TMEM163: variants seen among roughly 807,000 people sequenced by gnomAD.
TMEM163 encodes the protein transmembrane protein 163.
Under a neutral mutation model 29.3 loss-of-function variants are expected in TMEM163, and 17 were observed. The observed-to-expected ratio is 0.58, with a 90% confidence interval of 0.40 to 0.87. TMEM163 has a LOEUF of 0.87. Among genes scored for constraint, TMEM163 ranks in the 40% least tolerant of loss-of-function variants. The pLI is 0.00. For synonymous variants in TMEM163, 157 were observed against 160.6 expected, an observed-to-expected ratio of 0.98 and a Z score of 0.17; for missense variants, 303 against 381.5, an observed-to-expected ratio of 0.79 and a Z score of 1.71.
intron 2 of TMEM163, among the ~76,000 whole-genome samples, chr2:134,674,404 C>T (rs1574329644): frequency 7.3e-6 from 1 of 137,618 alleles, no homozygotes; most frequent in South Asian, 2.3e-4. Flanking sequence ...AGTGCAGTAG[C>T]ACAATCTCAG....
intron 5 of TMEM163, chr2:134,467,906 TTAAAG>T (rs1686705310): frequency 1.3e-5 from 2 of 152,148 alleles, no homozygotes; most frequent in South Asian, 4.1e-4. Context: ...AAAAGCTTAT[TTAAAG>T]TAATCACCTC....
At position 134,700,941 on chromosome 2, in the gene TMEM163, A is replaced by C. The variant is rs4954166; in HGVS notation, c.322+12259T>G. ...AAATAAATAAATAAATAAATAAATA[A>C]ATAAATAAAGTAAAAAATAAAAAGA... On this transcript the variant is annotated intron_variant, in intron 2 of 7. Transcript: ENST00000281924. Among the ~76,000 whole-genome samples the C allele has an allele frequency of 4.8e-3, 700 of 146,402 alleles. 5 individuals carry two copies. The highest frequency in any genetic ancestry group is 0.016 in the African/African-American group (624 of 39,434).
chr2:134,582,081 A>G (rs564294954), intron 2 of TMEM163, among the ~76,000 whole-genome samples: 1 of 152,266 alleles, frequency 6.6e-6, no homozygotes, highest in East Asian at 1.9e-4. Context: ...AGAGTTTAAA[A>G]CTTTCAGTTT....
intron 2 of TMEM163, among the ~76,000 whole-genome samples, chr2:134,626,576 A>G (rs1306133623): frequency 1.3e-5 from 2 of 152,160 alleles, no homozygotes; most frequent in Non-Finnish European, 2.9e-5. Context: ...TAATCTCTCC[A>G]TCTCAATATC....
chr2:134,477,753 C>A (rs927629530), intron 5 of TMEM163, among the ~76,000 whole-genome samples: 47 of 152,164 alleles, frequency 3.1e-4, no homozygotes, highest in African/African-American at 1.1e-3. Context: ...GATGAATTAT[C>A]AACCCAAGGT....
chr2:134,620,483 C>G (rs1682706789), intron 2 of TMEM163, among the ~76,000 whole-genome samples: 1 of 152,084 alleles, frequency 6.6e-6, no homozygotes, highest in Non-Finnish European at 1.5e-5. Flanking sequence ...TCTTGAACTC[C>G]CAACCTCAGG....
chr2:134,597,680 G>A (rs945450450), intron 2 of TMEM163, among the ~76,000 whole-genome samples: 1 of 152,216 alleles, frequency 6.6e-6, no homozygotes, highest in Non-Finnish European at 1.5e-5. Flanking sequence ...AATAGTTTCA[G>A]AAGGAATGGT....
At chr2:134,665,802 G>C (rs1190794910) in intron 2 of TMEM163, among the ~76,000 whole-genome samples, 1 of 152,114 alleles carries the variant, frequency 6.6e-6, no homozygotes, top group African/African-American at 2.4e-5. Flanking sequence ...CTGAAATTCA[G>C]GTATAACACC....
intron 5 of TMEM163, among the ~76,000 whole-genome samples, chr2:134,495,351 G>C (rs1226667957): frequency 6.6e-6 from 1 of 152,252 alleles, no homozygotes; most frequent in African/African-American, 2.4e-5. Context: ...GGAAGGATGA[G>C]TGAGAGGACA....
Position 134,460,872 on chromosome 2 carries a change from T to C in TMEM163, c.668-2699A>G, listed in dbSNP as rs1242078103. ...TTTGCTGCTTCTTCTAGGAGGAGACTCTGCCTTGCCTGGCTCGGCTCACCT... is the reference window on the plus strand; with the variant it reads ...TTTGCTGCTTCTTCTAGGAGGAGACCCTGCCTTGCCTGGCTCGGCTCACCT... On this transcript the variant is annotated intron_variant, in intron 6 of 7. Transcript: ENST00000281924. This position sits in a 1 kb window ranked among gnomAD's most constrained non-coding sequence, Gnocchi z 4.3. Among the ~76,000 whole-genome samples the C allele has an allele frequency of 6.6e-6, 1 of 152,236 alleles. No homozygotes were observed. Among genetic ancestry groups the C allele is most frequent in the African/African-American group, 2.4e-5 (1 of 41,470 alleles).
intron 2 of TMEM163, among the ~76,000 whole-genome samples, chr2:134,650,532 GT>G (rs1558978229): frequency 5.6e-5 from 2 of 36,000 alleles, no homozygotes; most frequent in African/African-American, 1.3e-4. Flanking sequence ...TTGTTTGTTT[GT>G]TTTGTTTTTT....
intron 2 of TMEM163, among the ~76,000 whole-genome samples, chr2:134,697,729 T>C (rs1684613194): frequency 6.6e-6 from 1 of 152,310 alleles, no homozygotes; most frequent in South Asian, 2.1e-4. Flanking sequence ...ATAATAAACA[T>C]TCTGATTATA....
intron 5 of TMEM163, among the ~76,000 whole-genome samples, chr2:134,497,519 T>G (rs139384367): frequency 5.6e-4 from 85 of 152,332 alleles, no homozygotes; most frequent in Admixed American, 2.2e-3. Context: ...GAGCTGGTCA[T>G]TGATCAGGAC....
At chr2:134,568,454 G>A (rs61059064) in intron 2 of TMEM163, among the ~76,000 whole-genome samples, 3,933 of 152,046 alleles carry the variant, frequency 0.026, 194 homozygotes, top group African/African-American at 0.091. Flanking sequence ...TTGAACCCGG[G>A]AGGTGGAGGT....
rs766406453 is a variant in TMEM163 at position 134,578,554 on chromosome 2, A to G, written c.323-26463T>C. On this transcript the variant is annotated intron_variant, in intron 2 of 7. Transcript: ENST00000281924. The stretch of plus-strand genomic sequence containing the variant: ...ATGCAGCCATTTGGAAAGATTGGAT[A>G]ACGAAGAGCAAAAGGCATTGGACAA... Among the ~76,000 whole-genome samples the G allele has an allele frequency of 7.6e-4, 115 of 152,224 alleles. 3 individuals are homozygous for G. The highest frequency in any genetic ancestry group is 1.3e-3 in the Admixed American group (20 of 15,282).
intron 2 of TMEM163, among the ~76,000 whole-genome samples, chr2:134,577,429 G>A (rs1681580780): frequency 6.6e-6 from 1 of 152,168 alleles, no homozygotes; most frequent in South Asian, 2.1e-4. Context: ...CAGCTGGGAC[G>A]CTGAGGCATC....
chr2:134,603,473 A>T (rs943106724), intron 2 of TMEM163, among the ~76,000 whole-genome samples: 1 of 152,074 alleles, frequency 6.6e-6, no homozygotes, highest in Non-Finnish European at 1.5e-5. Context: ...GCGTCTTCAG[A>T]CTCTCTGTCC....
intron 2 of TMEM163, among the ~76,000 whole-genome samples, chr2:134,641,689 A>C (rs1409960620): frequency 6.6e-6 from 1 of 152,162 alleles, no homozygotes; most frequent in African/African-American, 2.4e-5. Context: ...AAGACAAAGA[A>C]ACAAAAAATA....
chr2:134,492,699 A>G (rs1679456708), intron 5 of TMEM163, among the ~76,000 whole-genome samples: 1 of 152,230 alleles, frequency 6.6e-6, no homozygotes, highest in Non-Finnish European at 1.5e-5. Flanking sequence ...TCTACCACCG[A>G]GCAGTCTTCC....
Sources: gnomAD v4.1 joint callset for allele counts (sites outside exome capture counted in the v4.1 genomes callset) on GRCh38, gnomAD v4.1.1 for gene constraint, Gnocchi (gnomAD v3.1) non-coding constraint, MANE v1.5 for transcripts, NCBI Gene and HGNC (gene_info 2026-07-23, HGNC 2026-07-21) for gene names.